CEP95: variants seen among roughly 807,000 people sequenced by gnomAD.
CEP95 encodes centrosomal protein 95.
A neutral mutation model predicts 111.2 loss-of-function variants in CEP95; 98 were observed. The observed-to-expected ratio is 0.88, with a 90% confidence interval of 0.75 to 1.04. CEP95 has a LOEUF of 1.04. Among genes scored for constraint, CEP95 ranks in the 50% least tolerant of loss-of-function variants. The pLI is 0.00. For missense variants in CEP95, 1,027 were observed against 977.2 expected (o/e 1.05, Z -0.68); for synonymous variants, 323 against 327.1 (o/e 0.99, Z 0.14).
intron 12 of CEP95, 62 bp from the exon 13 acceptor site, chr17:64,530,864 C>A: frequency 2.2e-6 from 2 of 925,652 alleles, no homozygotes; most frequent in Non-Finnish European, 3.2e-6. Flanking sequence ...ACCAGCTAAG[C>A]CATGGTGCTG....
chr17:64,529,346 T>TC lies in CEP95; in HGVS notation c.1365_1366insC (p.Asn456GlnfsTer31). 1 of 1,613,824 alleles carries TC rather than the reference T, an allele frequency of 6.2e-7. No individual in the cohort carries two copies. Among genetic ancestry groups the TC allele is most frequent in the Non-Finnish European group, 8.5e-7 (1 of 1,179,810 alleles). On this transcript the variant is annotated frameshift_variant, in exon 12 of 20. Transcript: ENST00000556440. LOFTEE classifies it high-confidence loss of function. ...CCCATTCGCTCTCTCCATCTCCAGT[T>TC]AACAAACACAAACAGTTCCACTTGG... is the stretch of plus-strand genomic sequence containing the variant.
chr17:64,527,064 A>T, intron 10 of CEP95, 47 bp from the exon 11 acceptor site: 1 of 1,549,162 alleles, frequency 6.5e-7, no homozygotes, highest in Non-Finnish European at 8.8e-7. Flanking sequence ...ACGAATTTAC[A>T]TTCTGCTGAA....
At position 64,527,269 on chromosome 17, in the gene CEP95, T is replaced by G. The variant is rs782656164; in HGVS notation, c.1306+5T>G. ...GGCCAAAGAAGTCAAGGCCAGGTACTTACCCCAGAGAGACTGAGAAGGGGG... is the reference window on the plus strand; with the variant it reads ...GGCCAAAGAAGTCAAGGCCAGGTACGTACCCCAGAGAGACTGAGAAGGGGG... On this transcript the variant is annotated splice_donor_5th_base_variant and intron_variant, in intron 11 of 19. Coordinates refer to ENST00000556440, the MANE Select transcript of CEP95 (RefSeq NM_138363.3). The G allele has an allele frequency of 1.2e-5, 20 of 1,604,874 alleles. No homozygotes were observed. The Admixed American group carries it at 3.4e-4, about 27-fold the overall frequency.
At chr17:64,525,726 T>C (rs1568143639) in intron 8 of CEP95, 44 bp from the exon 9 acceptor site, 8 of 1,299,394 alleles carry the variant, frequency 6.2e-6, no homozygotes, top group Non-Finnish European at 8.7e-6. Context: ...TCATGTTTCT[T>C]ATTTGTAGCT....
At chr17:64,530,776 G>A (rs1469121109) in intron 12 of CEP95, 150 bp from the exon 13 acceptor site, 2 of 495,644 alleles carry the variant, frequency 4.0e-6, no homozygotes, top group East Asian at 6.8e-5. Flanking sequence ...ACCGCACGCG[G>A]CTAAGAGCTT....
rs782808247 is a variant in CEP95 at position 64,522,881 on chromosome 17, A to G, written c.895A>G (p.Thr299Ala). 1.1e-5 allele frequency: 18 copies of G among 1,609,668 alleles called. No individual in the cohort carries two copies. In the African/African-American group the frequency reaches 2.3e-4, roughly 20 times the overall value. ...SPAVNSTGEH[T>A]EFSGDLDDGL... ...AGCCGTAAATTCTACTGGAGAGCAT[A>G]CGGAATTTTCTGGGGTAAGTGGAAA... The change falls in exon 8 of 20, where the codon ACG becomes GCG. Residue 299 changes from threonine (T) to alanine (A), a missense_variant. Physicochemically the swap from Thr to Ala is moderately conservative, Grantham distance 58. Transcript: ENST00000556440.
chr17:64,508,318 G>A, intron 1 of CEP95: 1 of 997,704 alleles, frequency 1.0e-6, no homozygotes, highest in Non-Finnish European at 1.2e-6. Flanking sequence ...AGTAACTTAA[G>A]ATTTTAGGCT....
At position 64,537,730 on chromosome 17, in the gene CEP95, C is replaced by T; in HGVS notation, c.2417C>T (p.Ser806Phe). The T allele has an allele frequency of 4.3e-6, 7 of 1,611,318 alleles. No homozygotes were observed. The highest frequency in any genetic ancestry group is 2.5e-6 in the Non-Finnish European group (3 of 1,178,686). The change falls in exon 20 of 20, where the codon TCT (serine) becomes TTT (phenylalanine). Residue 806 changes from serine (S) to phenylalanine (F), a missense_variant. Physicochemically the swap from Ser to Phe is radical, Grantham distance 155. Transcript: ENST00000556440. ...GAACTGGAAGCTGAGCGCTTCAGAT[C>T]TCGGCTTCAGCTGGCTTCCTTTCAG... ...FRELEAERFR[S>F]RLQLASFQYS...
chr17:64,534,898 C>T (rs1968546875), intron 17 of CEP95, 161 bp downstream of exon 17: 1 of 764,930 alleles, frequency 1.3e-6, no homozygotes, highest in African/African-American at 1.7e-5. Flanking sequence ...ACTTCATTTT[C>T]TTACTCCATT....
At chr17:64,513,423 C>T (rs144468437) in intron 3 of CEP95, among the ~76,000 whole-genome samples, 38 of 152,242 alleles carry the variant, frequency 2.5e-4, no homozygotes, top group African/African-American at 8.2e-4. Flanking sequence ...TGTCAAGTTT[C>T]CATGCTTTTT....
intron 7 of CEP95, among the ~76,000 whole-genome samples, chr17:64,522,273 AT>A (rs1967411864): frequency 6.6e-6 from 1 of 152,188 alleles, no homozygotes; most frequent in Non-Finnish European, 1.5e-5. Flanking sequence ...ATAACATAAC[AT>A]TCTTCAAGCC....
At chr17:64,536,977 G>C (rs1968697860) in intron 18 of CEP95, 64 bp from the exon 19 acceptor site, 2 of 1,446,922 alleles carry the variant, frequency 1.4e-6, no homozygotes, top group Middle Eastern at 1.8e-4. Flanking sequence ...TGAACATTAA[G>C]AAATGTTACA....
At chr17:64,522,678 AT>A (rs1568138768) in intron 7 of CEP95, 23 bp from the exon 8 acceptor site, 1 of 1,579,764 alleles carries the variant, frequency 6.3e-7, no homozygotes, top group Middle Eastern at 1.7e-4. Flanking sequence ...GCATCGTAAT[AT>A]CCACTTTAAT....
At chr17:64,517,570 G>T (rs1410543546) in intron 5 of CEP95, among the ~76,000 whole-genome samples, 1 of 151,870 alleles carries the variant, frequency 6.6e-6, no homozygotes, top group Admixed American at 6.6e-5. Context: ...AAGAGACAGG[G>T]TCTTGCTCTG....
chr17:64,513,965 C>CA (rs2039014916), intron 3 of CEP95, among the ~76,000 whole-genome samples: 1 of 151,928 alleles, frequency 6.6e-6, no homozygotes, highest in Non-Finnish European at 1.5e-5. Flanking sequence ...TTTGCTTCTC[C>CA]AAAAAAGGAA....
At chr17:64,533,523 C>T (rs1261891785) in intron 16 of CEP95, among the ~76,000 whole-genome samples, 1 of 152,122 alleles carries the variant, frequency 6.6e-6, no homozygotes, top group Non-Finnish European at 1.5e-5. Flanking sequence ...GGGAGGATCA[C>T]TTGAACGTGG....
At chr17:64,522,098 GCC>G (rs1967390292) in intron 7 of CEP95, among the ~76,000 whole-genome samples, 1 of 152,044 alleles carries the variant, frequency 6.6e-6, no homozygotes, top group Admixed American at 6.6e-5. Flanking sequence ...TGATCCGCCT[GCC>G]TCAGCCTCCC....
At chr17:64,533,061 T>A (rs781995925) in intron 15 of CEP95, 53 bp downstream of exon 15, 1 of 1,605,562 alleles carries the variant, frequency 6.2e-7, no homozygotes, top group Non-Finnish European at 8.5e-7. Flanking sequence ...GAGCTTATCC[T>A]TAAGAATTTA....
At chr17:64,515,272 A>G (rs2039083466) in intron 4 of CEP95, among the ~76,000 whole-genome samples, 1 of 152,216 alleles carries the variant, frequency 6.6e-6, no homozygotes, top group Admixed American at 6.5e-5. Context: ...ACATACAATA[A>G]AAGCATAAAG....
Sources: allele counts gnomAD v4.1 joint callset (sites outside exome capture counted in the v4.1 genomes callset), GRCh38; gene constraint gnomAD v4.1.1; transcripts MANE v1.5; gene names NCBI Gene and HGNC (gene_info 2026-07-23, HGNC 2026-07-21).